GRIN2A: variants seen among roughly 807,000 people sequenced by gnomAD.
GRIN2A encodes the protein glutamate ionotropic receptor NMDA type subunit 2A.
Under a neutral mutation model 113.4 loss-of-function variants are expected in GRIN2A, and 22 were observed. The observed-to-expected ratio is 0.19, with a 90% confidence interval of 0.14 to 0.28. The LOEUF (loss-of-function observed/expected upper bound fraction) is 0.28. Ranked by LOEUF, GRIN2A falls within the 10% of genes least tolerant of loss-of-function variation. The pLI is 1.00. For missense variants in GRIN2A, 1,502 were observed against 1,887.0 expected (o/e 0.80, Z 3.78); for synonymous variants, 827 against 738.4 (o/e 1.12, Z -1.94).
chr16:10,060,384 C>G (rs1282578419), intron 2 of GRIN2A, among the ~76,000 whole-genome samples: 1 of 152,166 alleles, frequency 6.6e-6, no homozygotes, highest in Non-Finnish European at 1.5e-5. Context: ...CTACTGTGAC[C>G]TATCTTATAG....
At chr16:9,878,962 A>G (rs1205369643) in intron 4 of GRIN2A, among the ~76,000 whole-genome samples, 1 of 152,144 alleles carries the variant, frequency 6.6e-6, no homozygotes, top group East Asian at 1.9e-4. Context: ...GAGATCTACT[A>G]TATTTTCCTC....
At chr16:10,033,216 G>C (rs916018207) in intron 2 of GRIN2A, among the ~76,000 whole-genome samples, 2 of 152,322 alleles carry the variant, frequency 1.3e-5, no homozygotes, top group East Asian at 3.9e-4. Flanking sequence ...AGTGAGCAGA[G>C]GTTACAGAGT....
chr16:10,066,313 G>T (rs145266739), intron 2 of GRIN2A, among the ~76,000 whole-genome samples: 72 of 152,256 alleles, frequency 4.7e-4, no homozygotes, highest in Non-Finnish European at 9.3e-4. Flanking sequence ...CTCCTTCCTG[G>T]AGTCTAATCC....
chr16:9,939,269 G>A (rs2044797128), intron 2 of GRIN2A, among the ~76,000 whole-genome samples: 1 of 152,192 alleles, frequency 6.6e-6, no homozygotes, highest in African/African-American at 2.4e-5. Context: ...GAGGAGAAGT[G>A]CATGGATGTT....
At position 9,755,425 on chromosome 16, in the gene GRIN2A, T is replaced by C. The variant is rs1413362918; in HGVS notation, c.*7724A>G. The C allele has an allele frequency of 5.4e-6, 1 of 184,292 alleles. No homozygotes were observed. The highest frequency in any genetic ancestry group is 8.7e-5 in the East Asian group (1 of 11,484). 11.4% of individuals were successfully genotyped at this position (184,292 alleles called of 1,614,324 possible). ...TCCAAATAACAAATAATAATCTTTC[T>C]GTCTTAAAAGGCTTTTTACTGCCAG... On this transcript the variant is annotated 3_prime_UTR_variant, in exon 13 of 13. Coordinates refer to ENST00000330684, the MANE Select transcript of GRIN2A (RefSeq NM_001134407.3).
intron 12 of GRIN2A, among the ~76,000 whole-genome samples, chr16:9,765,613 G>C (rs911976891): frequency 6.6e-6 from 1 of 152,174 alleles, no homozygotes; most frequent in African/African-American, 2.4e-5. Flanking sequence ...ACCATCATGT[G>C]GGGGTGTGAG....
chr16:10,075,278 A>G (rs2047847183), intron 2 of GRIN2A, among the ~76,000 whole-genome samples: 1 of 152,118 alleles, frequency 6.6e-6, no homozygotes, highest in Non-Finnish European at 1.5e-5. Flanking sequence ...TCACAGTCAT[A>G]CTAAATCAGA....
chr16:10,125,971 GGACACA>G lies in GRIN2A; in HGVS notation c.414+54021_414+54026del, dbSNP rs140463548. Among the ~76,000 whole-genome samples the G allele has an allele frequency of 6.6e-3, 1,000 of 152,136 alleles. 5 individuals are homozygous for G. The highest frequency in any genetic ancestry group is 0.023 in the South Asian group (113 of 4,810). Reference sequence around the variant, plus strand: ...GGCCAGGAGGTGGGAGACAAAATGAGGACACAGACAGGAGGAGCCCCAGACTCCTTC... The same window carrying G: ...GGCCAGGAGGTGGGAGACAAAATGAGGACAGGAGGAGCCCCAGACTCCTTC... On this transcript the variant is annotated intron_variant, in intron 2 of 12. Coordinates refer to ENST00000330684, the MANE Select transcript of GRIN2A (RefSeq NM_001134407.3).
At chr16:9,969,938 T>C (rs1215957342) in intron 2 of GRIN2A, among the ~76,000 whole-genome samples, 2 of 152,342 alleles carry the variant, frequency 1.3e-5, no homozygotes, top group Admixed American at 6.5e-5. Context: ...CCGCACGCCA[T>C]CTTAGACCTA....
At chr16:10,173,719 G>A (rs955410612) in intron 2 of GRIN2A, among the ~76,000 whole-genome samples, 1 of 152,172 alleles carries the variant, frequency 6.6e-6, no homozygotes. Context: ...TGGAAAAAGA[G>A]AGAAATTGTT....
chr16:10,158,069 A>G (rs907541003), intron 2 of GRIN2A, among the ~76,000 whole-genome samples: 1 of 152,114 alleles, frequency 6.6e-6, no homozygotes, highest in Non-Finnish European at 1.5e-5. Flanking sequence ...CAGTGGCCCA[A>G]TCACAGCCCA....
intron 2 of GRIN2A, among the ~76,000 whole-genome samples, chr16:10,026,844 G>A (rs1025136152): frequency 1.4e-4 from 21 of 152,198 alleles, no homozygotes; most frequent in Admixed American, 5.9e-4. Context: ...TCAGGTGAAC[G>A]AACCTCAGGA....
chr16:10,068,906 TAAG>T (rs2047698838), intron 2 of GRIN2A, among the ~76,000 whole-genome samples: 1 of 151,950 alleles, frequency 6.6e-6, no homozygotes. Flanking sequence ...ACAAAGACTC[TAAG>T]AAGGAAAGAA....
chr16:10,123,121 G>A (rs371511296), intron 2 of GRIN2A, among the ~76,000 whole-genome samples: 21 of 152,280 alleles, frequency 1.4e-4, no homozygotes, highest in East Asian at 1.2e-3. Context: ...AGATGGGGCC[G>A]ATCTCTCTTG....
chr16:10,026,985 C>G (rs1188424982), intron 2 of GRIN2A, among the ~76,000 whole-genome samples: 2 of 152,194 alleles, frequency 1.3e-5, no homozygotes, highest in Non-Finnish European at 2.9e-5. Context: ...CCCCATCGCA[C>G]CACCACCCAA....
chr16:10,072,946 C>CTTTTTTT (rs34432023), intron 2 of GRIN2A, among the ~76,000 whole-genome samples: 1 of 104,226 alleles, frequency 9.6e-6, no homozygotes, highest in African/African-American at 3.7e-5. Flanking sequence ...ACAAGACCCC[C>CTTTTTTT]TTTTTTTTTT....
At chr16:10,005,525 C>T (rs546242581) in intron 2 of GRIN2A, among the ~76,000 whole-genome samples, 6 of 152,100 alleles carry the variant, frequency 3.9e-5, no homozygotes, top group Non-Finnish European at 8.8e-5. Context: ...GGTCCAGATA[C>T]GTAAAGAGGT....
chr16:9,802,012 C>T (rs892544107), intron 10 of GRIN2A, among the ~76,000 whole-genome samples: 2 of 152,146 alleles, frequency 1.3e-5, no homozygotes, highest in South Asian at 2.1e-4. Flanking sequence ...TGGTCATTGT[C>T]TGAGATACCA....
At chr16:9,767,394 A>C (rs1900981977) in intron 12 of GRIN2A, among the ~76,000 whole-genome samples, 1 of 152,102 alleles carries the variant, frequency 6.6e-6, no homozygotes, top group Non-Finnish European at 1.5e-5. Context: ...ATAAAATTAG[A>C]TTTTTATTTA....
Sources: allele counts gnomAD v4.1 joint callset (sites outside exome capture counted in the v4.1 genomes callset), GRCh38; gene constraint gnomAD v4.1.1; transcripts MANE v1.5; gene names NCBI Gene and HGNC (gene_info 2026-07-23, HGNC 2026-07-21).